Variants in ATRNL1 observed in about 807,000 individuals in gnomAD.
ATRNL1 encodes the protein attractin like 1.
ATRNL1 carries 95 observed loss-of-function variants against 182.7 expected under a neutral mutation model. The ratio of observed to expected loss-of-function variants is 0.52; its 90% CI spans 0.44 to 0.62. The LOEUF (loss-of-function observed/expected upper bound fraction) is 0.62, where lower values mean the gene tolerates loss of function less well. Among genes scored for constraint, ATRNL1 ranks in the 20% least tolerant of loss-of-function variants. The pLI is 0.00. For synonymous variants in ATRNL1, 576 were observed against 568.3 expected (o/e 1.01, Z -0.19); for missense variants, 1,471 against 1,679.5 (o/e 0.88, Z 2.17).
chr10:115,824,030 C>T (rs985028027), intron 27 of ATRNL1, among the ~76,000 whole-genome samples: 2 of 152,148 alleles, frequency 1.3e-5, no homozygotes, highest in Non-Finnish European at 2.9e-5. Flanking sequence ...TCAAACTATA[C>T]TACAAGGCTA....
chr10:115,408,039 C>T (rs553019060), intron 20 of ATRNL1, among the ~76,000 whole-genome samples: 3 of 144,080 alleles, frequency 2.1e-5, no homozygotes, highest in African/African-American at 5.3e-5. Context: ...CTCTGTCGCC[C>T]AGGCCGGACT....
At chr10:115,109,816 G>C (rs990514361) in intron 1 of ATRNL1, among the ~76,000 whole-genome samples, 2 of 152,116 alleles carry the variant, frequency 1.3e-5, no homozygotes, top group Non-Finnish European at 2.9e-5. Flanking sequence ...AAAAAACAGA[G>C]CTTTACTGAG....
chr10:115,517,963 C>A (rs1303104324), intron 24 of ATRNL1, among the ~76,000 whole-genome samples: 3 of 151,808 alleles, frequency 2.0e-5, no homozygotes, highest in Admixed American at 6.6e-5. Flanking sequence ...TATCTTTCTT[C>A]AGCCTTTGTA....
chr10:115,744,783 C>A (rs1423708868), intron 27 of ATRNL1, among the ~76,000 whole-genome samples: 1 of 151,982 alleles, frequency 6.6e-6, no homozygotes, highest in Non-Finnish European at 1.5e-5. Flanking sequence ...GTGATTGTCA[C>A]AATAATTATT....
intron 19 of ATRNL1, among the ~76,000 whole-genome samples, chr10:115,347,428 T>G (rs1856025843): frequency 6.6e-6 from 1 of 152,150 alleles, no homozygotes; most frequent in South Asian, 2.1e-4. Flanking sequence ...ATGAATTATT[T>G]TAATGTAGTA....
In ATRNL1 at chr10:115,944,842, C is replaced by T; in HGVS notation, c.*63C>T. ...ACTTCGGGCTTCTGTTAAAGCTGTT[C>T]TATGGCCTTGGATTTTATGGAGGCA... On this transcript the variant is annotated 3_prime_UTR_variant, in exon 29 of 29. Transcript: ENST00000355044. 2 of 1,530,208 alleles carry T rather than the reference C, an allele frequency of 1.3e-6. No individual in the cohort carries two copies. The highest frequency in any genetic ancestry group is 1.8e-6 in the Non-Finnish European group (2 of 1,135,490). 94.8% of individuals were successfully genotyped at this position (1,530,208 alleles called of 1,614,324 possible).
At chr10:115,924,582 G>C (rs1589701889) in intron 28 of ATRNL1, among the ~76,000 whole-genome samples, 1 of 152,056 alleles carries the variant, frequency 6.6e-6, no homozygotes, top group African/African-American at 2.4e-5. Flanking sequence ...TATTTCTGAG[G>C]TCTCTGTTCT....
intron 5 of ATRNL1, among the ~76,000 whole-genome samples, chr10:115,149,984 T>C (rs1846146511): frequency 1.3e-5 from 2 of 151,884 alleles, no homozygotes; most frequent in South Asian, 4.2e-4. Flanking sequence ...CTTTCCTTTG[T>C]TGGGAGACTT....
chr10:115,219,264 G>A (rs1353635286), intron 9 of ATRNL1, among the ~76,000 whole-genome samples: 3 of 151,516 alleles, frequency 2.0e-5, no homozygotes, highest in African/African-American at 4.8e-5. Flanking sequence ...AAGGGATGAC[G>A]TGTGTGCTTT....
At position 115,802,093 on chromosome 10, in the gene ATRNL1, C is replaced by T. The variant is rs950911734; in HGVS notation, c.3904-45784C>T. Among the ~76,000 whole-genome samples, 15 of 149,152 alleles carry T rather than the reference C, an allele frequency of 1.0e-4. 2 individuals are homozygous for T. Among genetic ancestry groups the T allele is most frequent in the Admixed American group, 9.5e-4 (14 of 14,780 alleles). On this transcript the variant is annotated intron_variant, in intron 27 of 28. Coordinates refer to ENST00000355044, the MANE Select transcript of ATRNL1 (RefSeq NM_207303.4). Reference sequence around the variant, plus strand: ...CTACCTTCCGCCCCCCACCACCACACACACACACCTAAATTCTCTTAAATA... The same window carrying T: ...CTACCTTCCGCCCCCCACCACCACATACACACACCTAAATTCTCTTAAATA...
At chr10:115,674,987 C>A (rs1316279574) in intron 26 of ATRNL1, among the ~76,000 whole-genome samples, 1 of 152,086 alleles carries the variant, frequency 6.6e-6, no homozygotes, top group African/African-American at 2.4e-5. Flanking sequence ...ATAGTGTGTT[C>A]ATTTCTTTTA....
intron 26 of ATRNL1, among the ~76,000 whole-genome samples, chr10:115,674,939 C>T (rs1408409788): frequency 1.3e-5 from 2 of 152,084 alleles, no homozygotes; most frequent in Non-Finnish European, 2.9e-5. Context: ...ATGACTGTAT[C>T]ACCAAATATG....
chr10:115,888,489 GAA>G (rs1555110355), intron 28 of ATRNL1, among the ~76,000 whole-genome samples: 1 of 152,146 alleles, frequency 6.6e-6, no homozygotes. Flanking sequence ...CTTCCAGATG[GAA>G]TGCCCTTCTC....
chr10:115,415,450 G>T (rs925173453), intron 20 of ATRNL1, among the ~76,000 whole-genome samples: 1 of 150,638 alleles, frequency 6.6e-6, no homozygotes, highest in Admixed American at 6.6e-5. Context: ...TGAGACATAA[G>T]TTGCACATAT....
chr10:115,746,124 C>T (rs538469812), intron 27 of ATRNL1, among the ~76,000 whole-genome samples: 34 of 152,146 alleles, frequency 2.2e-4, no homozygotes, highest in Non-Finnish European at 4.1e-4. Flanking sequence ...CACTCAACTT[C>T]GAGAACTGCT....
chr10:115,778,168 G>T (rs1555078423), intron 27 of ATRNL1, among the ~76,000 whole-genome samples: 1 of 152,106 alleles, frequency 6.6e-6, no homozygotes, highest in African/African-American at 2.4e-5. Flanking sequence ...CTTATTTATT[G>T]TCTGGTTCAT....
At chr10:115,271,445 C>G (rs919896093) in intron 13 of ATRNL1, among the ~76,000 whole-genome samples, 3 of 152,136 alleles carry the variant, frequency 2.0e-5, no homozygotes, top group Admixed American at 2.0e-4. Flanking sequence ...ACCCCCACCC[C>G]ACGACAGGCC....
At chr10:115,110,999 G>A (rs1222708630) in intron 1 of ATRNL1, among the ~76,000 whole-genome samples, 3 of 152,152 alleles carry the variant, frequency 2.0e-5, no homozygotes, top group Admixed American at 6.5e-5. Flanking sequence ...TGATTTATTT[G>A]ACCCTATTTG....
intron 3 of ATRNL1, among the ~76,000 whole-genome samples, chr10:115,124,422 C>T (rs1474687099): frequency 6.6e-6 from 1 of 152,130 alleles, no homozygotes; most frequent in Non-Finnish European, 1.5e-5. Flanking sequence ...TGCAAAGCTT[C>T]TGGGTCCTCA....
Sources: allele counts gnomAD v4.1 joint callset (sites outside exome capture counted in the v4.1 genomes callset), GRCh38; gene constraint gnomAD v4.1.1; transcripts MANE v1.5; gene names NCBI Gene and HGNC (gene_info 2026-07-23, HGNC 2026-07-21).